TPO: variants seen among roughly 807,000 people sequenced by gnomAD.
TPO encodes the protein thyroid peroxidase, also known as thyroid microsomal antigen.
Under a neutral mutation model 96.9 loss-of-function variants are expected in TPO, and 78 were observed. The observed-to-expected ratio is 0.81, with a 90% CI of 0.67 to 0.97. TPO has a LOEUF of 0.97. Ranked by LOEUF, TPO falls within the 50% of genes least tolerant of loss-of-function variation. The pLI, the probability that TPO is intolerant of heterozygous loss-of-function variation, is 0.00. For missense variants in TPO, 1,252 were observed against 1,274.8 expected (o/e 0.98, Z 0.27); for synonymous variants, 547 against 538.0 (o/e 1.02, Z -0.23).
chr2:1,498,879 C>T (rs1672607496), intron 13 of TPO, among the ~76,000 whole-genome samples: 1 of 152,122 alleles, frequency 6.6e-6, no homozygotes, highest in East Asian at 1.9e-4. Context: ...AAACTTGAAA[C>T]GGCCACTTCA....
intron 9 of TPO, among the ~76,000 whole-genome samples, chr2:1,485,059 A>ACCCCCCCC (rs1671013683): frequency 6.8e-6 from 1 of 147,744 alleles, no homozygotes. Flanking sequence ...CCTCCCCCTG[A>ACCCCCCCC]CCCCCACCCC....
intron 15 of TPO, among the ~76,000 whole-genome samples, chr2:1,531,324 A>ACCTCCCCAAATCCCTCCCACTGTGTGCAG (rs1419677826): frequency 8.1e-5 from 8 of 98,574 alleles, no homozygotes; most frequent in Non-Finnish European, 1.6e-4. Context: ...ACTGTGTTCA[A>ACCTCCCCAAATCCCTCCCACTGTGTGCAG]CCTCCCCAAA....
chr2:1,385,540 G>A (rs1296744284), intron 1 of TPO, among the ~76,000 whole-genome samples: 1 of 151,946 alleles, frequency 6.6e-6, no homozygotes, highest in African/African-American at 2.4e-5. Context: ...GTATTTCTGT[G>A]GGATCGGTGG....
chr2:1,441,715 C>T (rs571381103), intron 5 of TPO, among the ~76,000 whole-genome samples: 6 of 152,280 alleles, frequency 3.9e-5, no homozygotes, highest in East Asian at 1.9e-4. Flanking sequence ...GCAGGGGTCA[C>T]GTCACTTGCA....
chr2:1,449,317 G>A (rs1237759372), intron 5 of TPO, among the ~76,000 whole-genome samples: 11 of 152,180 alleles, frequency 7.2e-5, no homozygotes, highest in Admixed American at 7.2e-4. Context: ...CATATCTGAT[G>A]TCTGACAGCT....
At chr2:1,527,502 C>G (rs1004827257) in intron 15 of TPO, among the ~76,000 whole-genome samples, 1 of 148,930 alleles carries the variant, frequency 6.7e-6, no homozygotes, top group Non-Finnish European at 1.5e-5. Flanking sequence ...TGCGACCTCC[C>G]CAAATCCTCC....
At chr2:1,413,106 A>G (rs1180146621), upstream of TPO, among the ~76,000 whole-genome samples, 2 of 152,216 alleles carry the variant, frequency 1.3e-5, no homozygotes, top group Non-Finnish European at 2.9e-5. Context: ...AGCTGCACCC[A>G]ACCCAATCCT....
chr2:1,459,202 A>T (rs1668168425), intron 7 of TPO, among the ~76,000 whole-genome samples: 1 of 150,682 alleles, frequency 6.6e-6, no homozygotes, highest in Non-Finnish European at 1.5e-5. Flanking sequence ...CCCAGGCTGG[A>T]GTGCAGTGGT....
In TPO at chr2:1,510,966, C is replaced by T. The variant is rs76231676; in HGVS notation, c.2519-5917C>T. Among the ~76,000 whole-genome samples, 730 of 152,176 alleles carry T rather than the reference C, an allele frequency of 4.8e-3. 3 individuals are homozygous for T. The highest frequency in any genetic ancestry group is 0.017 in the African/African-American group (687 of 41,526). On this transcript the variant is annotated intron_variant, in intron 14 of 16. Transcript: ENST00000329066. ...ACAACTCTCCCTATATAAGTTTAGA[C>T]GTAGATACACATATAGATTCAGGCA...
intron 10 of TPO, among the ~76,000 whole-genome samples, chr2:1,493,207 GGT>G (rs1671948714): frequency 8.0e-6 from 1 of 124,278 alleles, no homozygotes; most frequent in Non-Finnish European, 1.7e-5. Context: ...TGTGTGAGTG[GGT>G]GGGGGGGGGG....
chr2:1,469,677 T>C (rs1422916751), intron 7 of TPO, among the ~76,000 whole-genome samples: 1 of 152,108 alleles, frequency 6.6e-6, no homozygotes, highest in African/African-American at 2.4e-5. Flanking sequence ...TCCACTCGGC[T>C]CTCTAAATGG....
At chr2:1,434,784 A>G (rs1476395266) in intron 4 of TPO, among the ~76,000 whole-genome samples, 1 of 152,206 alleles carries the variant, frequency 6.6e-6, no homozygotes, top group Non-Finnish European at 1.5e-5. Flanking sequence ...AGTATAGCCC[A>G]TCTTGAAAAT....
intron 5 of TPO, among the ~76,000 whole-genome samples, chr2:1,448,941 C>G (rs956814162): frequency 1.3e-5 from 2 of 152,136 alleles, no homozygotes; most frequent in Admixed American, 1.3e-4. Flanking sequence ...GCTTCCCTCC[C>G]GGATGCACAG....
chr2:1,529,814 G>C (rs1298051442), intron 15 of TPO, among the ~76,000 whole-genome samples: 24 of 106,466 alleles, frequency 2.3e-4, no homozygotes, highest in African/African-American at 8.3e-4. Flanking sequence ...CCCTCCCATT[G>C]TGTGCAGCCT....
intron 2 of TPO, 147 bp downstream of exon 2, chr2:1,414,649 T>C (rs1662703275): frequency 1.4e-6 from 1 of 707,378 alleles, no homozygotes; most frequent in African/African-American, 1.8e-5. Context: ...AAAATTGTAA[T>C]TCTTGATTTT....
chr2:1,455,073 C>A (rs1372880171), intron 6 of TPO, among the ~76,000 whole-genome samples: 2 of 152,148 alleles, frequency 1.3e-5, no homozygotes, highest in East Asian at 1.9e-4. Context: ...TGGCTCATGG[C>A]ACCTCCTTCC....
At chr2:1,449,743 G>C (rs2148564874) in intron 5 of TPO, among the ~76,000 whole-genome samples, 1 of 152,316 alleles carries the variant, frequency 6.6e-6, no homozygotes, top group Non-Finnish European at 1.5e-5. Context: ...CAGAACATAT[G>C]ATGGGTATAA....
At chr2:1,441,074 A>G (rs1030918074) in intron 5 of TPO, among the ~76,000 whole-genome samples, 5 of 149,060 alleles carry the variant, frequency 3.4e-5, no homozygotes, top group Non-Finnish European at 5.9e-5. Flanking sequence ...TCTTGTTTGT[A>G]TGATCTAGTC....
chr2:1,503,932 C>T lies in TPO; in HGVS notation c.2387-16C>T. Reference sequence around the variant, plus strand: ...AGCCGCTTCCTCTCACGTGTGTGGCCTTGTGTGTCTGGCAGATGTGAACGA... The same window carrying T: ...AGCCGCTTCCTCTCACGTGTGTGGCTTTGTGTGTCTGGCAGATGTGAACGA... On this transcript the variant is annotated splice_polypyrimidine_tract_variant and intron_variant, in intron 13 of 16. Coordinates refer to ENST00000329066, the MANE Select transcript of TPO (RefSeq NM_001206744.2). The T allele has an allele frequency of 1.2e-6, 2 of 1,614,138 alleles. No individual in the cohort carries two copies. Among genetic ancestry groups the T allele is most frequent in the South Asian group, 1.1e-5 (1 of 91,082 alleles).
Sources: allele counts gnomAD v4.1 joint callset (sites outside exome capture counted in the v4.1 genomes callset), GRCh38; gene constraint gnomAD v4.1.1; transcripts MANE v1.5; gene names NCBI Gene and HGNC (gene_info 2026-07-23, HGNC 2026-07-21).